Variants in ONECUT2 observed in about 807,000 individuals in gnomAD.
ONECUT2 encodes one cut domain family member 2.
A neutral mutation model predicts 27.9 loss-of-function variants in ONECUT2; 10 were observed. That is an observed-to-expected ratio of 0.36 (90% CI 0.22 to 0.61). The LOEUF (loss-of-function observed/expected upper bound fraction) is 0.61, where lower values mean the gene tolerates loss of function less well. Among genes scored for constraint, ONECUT2 ranks in the 20% least tolerant of loss-of-function variants. The pLI, the probability that ONECUT2 is intolerant of heterozygous loss-of-function variation, is 0.73. For missense variants in ONECUT2, 686 were observed against 721.0 expected, an observed-to-expected ratio of 0.95 and a Z score of 0.56; for synonymous variants, 334 against 315.1, an observed-to-expected ratio of 1.06 and a Z score of -0.64.
chr18:57,472,885 T>A (rs1265911107), intron 1 of ONECUT2, among the ~76,000 whole-genome samples: 1 of 152,186 alleles, frequency 6.6e-6, no homozygotes, highest in African/African-American at 2.4e-5. Flanking sequence ...GGAGCGTGAA[T>A]TGACAGAGGA....
chr18:57,443,163 C>T (rs778403587), intron 1 of ONECUT2, among the ~76,000 whole-genome samples: 1 of 152,138 alleles, frequency 6.6e-6, no homozygotes, highest in African/African-American at 2.4e-5. Context: ...GAGGGGGATC[C>T]CTGGAGCAAG....
rs2050430011 is a variant in ONECUT2, at chr18:57,484,585, G to A, written c.*7862G>A. On this transcript the variant is annotated 3_prime_UTR_variant, in exon 2 of 2. Coordinates refer to ENST00000491143, the MANE Select transcript of ONECUT2 (RefSeq NM_004852.3). ...TACAAATTGAGGAAGGAAACTGGTT[G>A]GAAATGGCCTTCAGTCCTAGCCATG... is the stretch of plus-strand genomic sequence containing the variant. 6.6e-6 allele frequency: 1 copy of A among 152,538 alleles called. No homozygotes were observed. The allele number at this position is 152,538 out of a possible 1,614,324, so 9.4% of individuals were successfully genotyped here.
Position 57,477,708 on chromosome 18 carries a change from G to C in ONECUT2, c.*985G>C, listed in dbSNP as rs974094253. The C allele has an allele frequency of 2.0e-5, 3 of 152,586 alleles. No homozygotes were observed. The highest frequency in any genetic ancestry group is 4.4e-5 in the Non-Finnish European group (3 of 68,034). The allele number at this position is 152,586 out of a possible 1,614,324, so 9.5% of individuals were successfully genotyped here. On this transcript the variant is annotated 3_prime_UTR_variant, in exon 2 of 2. Transcript: ENST00000491143. ...ATGGAGCGAATGCAGCATTTTAAAA[G>C]ATCTAGGTTTTTTTAGGTCATTAAT...
Position 57,486,765 on chromosome 18 carries a change from A to G in ONECUT2, c.*10042A>G, listed in dbSNP as rs2050440849. The G allele has an allele frequency of 1.3e-5, 2 of 152,640 alleles. No homozygotes were observed. The highest frequency in any genetic ancestry group is 2.9e-5 in the Non-Finnish European group (2 of 68,020). The allele number at this position is 152,640 out of a possible 1,614,324, so 9.5% of individuals were successfully genotyped here. A position where few individuals can be genotyped will look rare whatever the true frequency, so the allele number is the denominator to read the frequency against. Reference sequence around the variant, plus strand: ...GTTGCAGAATGAGCCCAAAGTTTACAGTTTCATATTTTGCTGAAGAAACAA... The same window carrying G: ...GTTGCAGAATGAGCCCAAAGTTTACGGTTTCATATTTTGCTGAAGAAACAA... On this transcript the variant is annotated 3_prime_UTR_variant, in exon 2 of 2. Coordinates refer to ENST00000491143, the MANE Select transcript of ONECUT2 (RefSeq NM_004852.3).
At chr18:57,450,886 T>G (rs1245963807) in intron 1 of ONECUT2, among the ~76,000 whole-genome samples, 1 of 152,230 alleles carries the variant, frequency 6.6e-6, no homozygotes, top group East Asian at 1.9e-4. Context: ...TTTATTATTT[T>G]CCTTTGATGA....
chr18:57,473,360 T>C (rs1246072199), intron 1 of ONECUT2, among the ~76,000 whole-genome samples: 1 of 152,256 alleles, frequency 6.6e-6, no homozygotes, highest in Non-Finnish European at 1.5e-5. Flanking sequence ...CTGATTTGCC[T>C]AGCTCAGAGT....
At chr18:57,461,689 C>T (rs1046944724) in intron 1 of ONECUT2, among the ~76,000 whole-genome samples, 1 of 152,192 alleles carries the variant, frequency 6.6e-6, no homozygotes, top group Non-Finnish European at 1.5e-5. Context: ...GTTGTTCCAG[C>T]TGAAGAACAA....
At chr18:57,444,900 A>AG (rs1185424028) in intron 1 of ONECUT2, among the ~76,000 whole-genome samples, 1 of 152,178 alleles carries the variant, frequency 6.6e-6, no homozygotes, top group Non-Finnish European at 1.5e-5. Context: ...GGGGGTCAGG[A>AG]GGCAGAATTG....
At chr18:57,449,107 C>T (rs1196406471) in intron 1 of ONECUT2, among the ~76,000 whole-genome samples, 2 of 152,222 alleles carry the variant, frequency 1.3e-5, no homozygotes, top group Admixed American at 6.5e-5. Context: ...TCCTCTCCTG[C>T]CTTCTCAGGA....
At position 57,476,611 on chromosome 18, in the gene ONECUT2, C is replaced by T; in HGVS notation, c.1403C>T (p.Thr468Ile). ...TCCCAGCAGCTGGGCCTGGAGCTCACAACCGTCAGCAACTTCTTCATGAAC... is the reference window on the plus strand; with the variant it reads ...TCCCAGCAGCTGGGCCTGGAGCTCATAACCGTCAGCAACTTCTTCATGAAC... ...TISQQLGLEL[T>I]TVSNFFMNAR... Residue 468 changes from threonine to isoleucine, a missense_variant, in exon 2 of 2, where the codon ACA becomes ATA. Physicochemically the swap from Thr to Ile is moderately conservative, Grantham distance 89. Transcript: ENST00000491143. 1 of 1,614,174 alleles carries T rather than the reference C, an allele frequency of 6.2e-7. No individual in the cohort carries two copies.
At chr18:57,469,747 G>T (rs2050343388) in intron 1 of ONECUT2, among the ~76,000 whole-genome samples, 1 of 152,118 alleles carries the variant, frequency 6.6e-6, no homozygotes, top group Admixed American at 6.5e-5. Flanking sequence ...CCTTCTTTCT[G>T]CTTTCTCTAA....
At chr18:57,438,850 T>G (rs1054552394) in intron 1 of ONECUT2, among the ~76,000 whole-genome samples, 1 of 152,292 alleles carries the variant, frequency 6.6e-6, no homozygotes, top group Non-Finnish European at 1.5e-5. Context: ...AGAGCGATAA[T>G]AATAGCGGCG....
At chr18:57,468,194 A>G (rs939660707) in intron 1 of ONECUT2, among the ~76,000 whole-genome samples, 4 of 152,140 alleles carry the variant, frequency 2.6e-5, no homozygotes, top group Non-Finnish European at 5.9e-5. Flanking sequence ...TGGCCTCCCA[A>G]ATGGATGTTG....
At position 57,481,349 on chromosome 18, in the gene ONECUT2, G is replaced by A. The variant is rs957333503; in HGVS notation, c.*4626G>A. 6.6e-6 allele frequency: 1 copy of A among 152,110 alleles called. No individual in the cohort carries two copies. The highest frequency in any genetic ancestry group is 2.4e-5 in the African/African-American group (1 of 41,414). 9.4% of individuals were successfully genotyped at this position (152,110 alleles called of 1,614,324 possible). ...TTCTAAGCTCCCTTTTCCCCCTGCA[G>A]GCTCTTGGCAATTGTAGGCTTTAGC... On this transcript the variant is annotated 3_prime_UTR_variant, in exon 2 of 2. Coordinates refer to ENST00000491143, the MANE Select transcript of ONECUT2 (RefSeq NM_004852.3).
Position 57,489,921 on chromosome 18 carries a change from G to A in ONECUT2, c.*13198G>A, listed in dbSNP as rs1044212536. 2 of 152,162 alleles carry A rather than the reference G, an allele frequency of 1.3e-5. No homozygotes were observed. The highest frequency in any genetic ancestry group is 2.4e-5 in the African/African-American group (1 of 41,426). The allele number at this position is 152,162 out of a possible 1,614,324, so 9.4% of individuals were successfully genotyped here. ...CTGAGATGATACAGGCAAAATCTTG[G>A]TGTTGGTTTCTCTTTTAATTCGTAT... On this transcript the variant is annotated 3_prime_UTR_variant, in exon 2 of 2. Coordinates refer to ENST00000491143, the MANE Select transcript of ONECUT2 (RefSeq NM_004852.3).
intron 1 of ONECUT2, among the ~76,000 whole-genome samples, chr18:57,457,588 T>A (rs1442242992): frequency 6.6e-6 from 1 of 152,014 alleles, no homozygotes; most frequent in Non-Finnish European, 1.5e-5. Flanking sequence ...GTCAGTTGTG[T>A]TTGCTCAGTA....
intron 1 of ONECUT2, among the ~76,000 whole-genome samples, chr18:57,472,629 T>A (rs1428435200): frequency 1.3e-5 from 2 of 152,178 alleles, no homozygotes; most frequent in Non-Finnish European, 2.9e-5. Context: ...ATAGGCAGGA[T>A]GTATTGATCT....
In ONECUT2 at chr18:57,435,440, T is replaced by A. The variant is rs1422756790; in HGVS notation, c.-277T>A. ...GTCGGCGCCGGAGCGGGCTCGGACA[T>A]GGCGAGGCTGCGAGCCGGCCCGAGC... is the stretch of plus-strand genomic sequence containing the variant. On this transcript the variant is annotated 5_prime_UTR_variant, in exon 1 of 2. The change abolishes an upstream ATG in the 5' untranslated region. Transcript: ENST00000491143. Among the ~76,000 whole-genome samples the A allele has an allele frequency of 6.6e-6, 1 of 151,312 alleles. No homozygotes were observed. The highest frequency in any genetic ancestry group is 3.2e-3 in the Middle Eastern group (1 of 314).
intron 1 of ONECUT2, among the ~76,000 whole-genome samples, chr18:57,465,027 C>T (rs2050312952): frequency 6.6e-6 from 1 of 152,012 alleles, no homozygotes; most frequent in Admixed American, 6.6e-5. Flanking sequence ...CGGGAAAGAC[C>T]ACCTGAACCA....
Sources: allele counts gnomAD v4.1 joint callset (sites outside exome capture counted in the v4.1 genomes callset), GRCh38; gene constraint gnomAD v4.1.1; transcripts MANE v1.5; gene names NCBI Gene and HGNC (gene_info 2026-07-23, HGNC 2026-07-21).